Variants in HNF1B observed in about 807,000 individuals in gnomAD.
HNF1B encodes the protein hepatocyte nuclear factor 1-beta.
Under a neutral mutation model 61.7 loss-of-function variants are expected in HNF1B, and 8 were observed. The observed-to-expected ratio is 0.13, with a 90% CI of 0.08 to 0.23. HNF1B has a LOEUF of 0.23. Among genes scored for constraint, HNF1B ranks in the 10% least tolerant of loss-of-function variants. The pLI is 1.00. For missense variants in HNF1B, 562 were observed against 714.5 expected (o/e 0.79, Z 2.43); for synonymous variants, 314 against 287.7 (o/e 1.09, Z -0.93).
rs910599810 is a variant in HNF1B at position 37,710,355 on chromosome 17, T to C, written c.1206+148A>G. ...CCGCCAAAGGCTGGGTCACCAGCAC[T>C]ACCTCTCCTTTCCGACTCTGGACAG... On this transcript the variant is annotated intron_variant, in intron 5 of 8. Coordinates refer to ENST00000617811, the MANE Select transcript of HNF1B (RefSeq NM_000458.4). The C allele has an allele frequency of 2.9e-6, 3 of 1,035,972 alleles. No individual in the cohort carries two copies. In the African/African-American group the frequency reaches 4.7e-5, roughly 16 times the overall value. 64.2% of individuals were successfully genotyped at this position (1,035,972 alleles called of 1,614,324 possible). A position where few individuals can be genotyped will look rare whatever the true frequency, so the allele number is the denominator to read the frequency against.
At chr17:37,695,184 C>T (rs1035733459) in intron 8 of HNF1B, among the ~76,000 whole-genome samples, 9 of 152,238 alleles carry the variant, frequency 5.9e-5, no homozygotes, top group Admixed American at 2.6e-4. Flanking sequence ...GGACACTGCT[C>T]CCTGCATACA....
chr17:37,736,230 G>A (rs75293421), intron 2 of HNF1B, among the ~76,000 whole-genome samples: 118 of 152,374 alleles, frequency 7.7e-4, no homozygotes, highest in Non-Finnish European at 1.5e-3. Flanking sequence ...GGCCCTGTGT[G>A]GCACCAGTAG....
intron 8 of HNF1B, among the ~76,000 whole-genome samples, chr17:37,688,369 A>C (rs2032053212): frequency 7.7e-6 from 1 of 129,586 alleles, no homozygotes; most frequent in Admixed American, 8.1e-5. Context: ...TATTCTCTCA[A>C]GATCCCCCCA....
In HNF1B at chr17:37,733,610, C is replaced by A. The variant is rs755425752; in HGVS notation, c.756G>T (p.Arg252=). The part of the protein sequence containing the change: ...SQQILYQAYD[R]QKNPSKEERE... ...TCTCTTCCTTGCTGGGGTTCTTTTG[C>A]CGATCGTAGGCCTGGTACAAGATTT... The change falls in exon 3 of 9, where the codon CGG becomes CGT. Residue 252 remains arginine, a synonymous_variant. Transcript: ENST00000617811. 1 of 1,614,124 alleles carries A rather than the reference C, an allele frequency of 6.2e-7. No individual in the cohort carries two copies. Among genetic ancestry groups the A allele is most frequent in the East Asian group, 2.2e-5 (1 of 44,876 alleles).
Position 37,687,367 on chromosome 17 carries a change from G to A in HNF1B, c.*5C>T. ...GTTGCGCACGAAGTAAGTGGTGTGTGGGCATCACCAGGCTTGTAGAGGACA... is the reference window on the plus strand; with the variant it reads ...GTTGCGCACGAAGTAAGTGGTGTGTAGGCATCACCAGGCTTGTAGAGGACA... On this transcript the variant is annotated 3_prime_UTR_variant, in exon 9 of 9. Transcript: ENST00000617811. 1 of 1,613,990 alleles carries A rather than the reference G, an allele frequency of 6.2e-7. No individual in the cohort carries two copies. Among genetic ancestry groups the A allele is most frequent in the Non-Finnish European group, 8.5e-7 (1 of 1,179,958 alleles).
chr17:37,723,538 T>TAC (rs1328164875), intron 4 of HNF1B, among the ~76,000 whole-genome samples: 1 of 152,170 alleles, frequency 6.6e-6, no homozygotes, highest in Non-Finnish European at 1.5e-5. Context: ...CTAAATGCCT[T>TAC]ACGGCACTCA....
At chr17:37,719,155 G>T (rs908566249) in intron 4 of HNF1B, among the ~76,000 whole-genome samples, 1 of 149,286 alleles carries the variant, frequency 6.7e-6, no homozygotes, top group African/African-American at 2.6e-5. Flanking sequence ...TTGAAGAGAT[G>T]GGGGGGTCTA....
rs555424675 is a variant in HNF1B, at chr17:37,741,373, TATTA to T, written c.345-1738_345-1735del. Among the ~76,000 whole-genome samples the T allele has an allele frequency of 4.5e-4, 68 of 152,304 alleles. 1 individual carries two copies. In the South Asian group the frequency reaches 5.0e-3, roughly 11 times the overall value. On this transcript the variant is annotated intron_variant, in intron 1 of 8. Coordinates refer to ENST00000617811, the MANE Select transcript of HNF1B (RefSeq NM_000458.4). ...GTTTTTGAGAAATGCAAACTTTTTA[TATTA>T]ATTATATATAAGAACGAATTTCTCA... is the stretch of plus-strand genomic sequence containing the variant.
intron 3 of HNF1B, 32 bp from the exon 4 acceptor site, chr17:37,731,862 A>AG (rs748014933): frequency 2.1e-4 from 85 of 410,636 alleles, no homozygotes; most frequent in East Asian, 2.9e-4. Context: ...ATGGTGAGTG[A>AG]GGGGGGGCGG....
At chr17:37,694,443 C>CT in intron 8 of HNF1B, among the ~76,000 whole-genome samples, 1 of 57,570 alleles carries the variant, frequency 1.7e-5, no homozygotes, top group African/African-American at 4.7e-5. Flanking sequence ...CCGCCGCCCC[C>CT]CCCCCCCCCC....
At chr17:37,724,368 C>T (rs1436793801) in intron 4 of HNF1B, among the ~76,000 whole-genome samples, 1 of 152,136 alleles carries the variant, frequency 6.6e-6, no homozygotes, top group Non-Finnish European at 1.5e-5. Flanking sequence ...GTCCCACTCC[C>T]CAGCTGTTCT....
intron 4 of HNF1B, among the ~76,000 whole-genome samples, chr17:37,711,786 C>T (rs573676143): frequency 3.4e-4 from 52 of 152,272 alleles, no homozygotes; most frequent in African/African-American, 1.2e-3. Context: ...ATAGGTGGAC[C>T]AACTCTTTAG....
At chr17:37,742,383 G>A (rs1410662855) in intron 1 of HNF1B, among the ~76,000 whole-genome samples, 1 of 152,180 alleles carries the variant, frequency 6.6e-6, no homozygotes, top group Non-Finnish European at 1.5e-5. Context: ...AGGTTTACTA[G>A]AACTCCGGGA....
At chr17:37,694,453 C>CCCCCG (rs1491336435) in intron 8 of HNF1B, among the ~76,000 whole-genome samples, 1 of 67,134 alleles carries the variant, frequency 1.5e-5, no homozygotes, top group Admixed American at 1.3e-4. Context: ...CCCCCCCCCC[C>CCCCCG]GCAAAAAAAA....
At chr17:37,717,568 A>G (rs8068344) in intron 4 of HNF1B, among the ~76,000 whole-genome samples, 3,954 of 152,272 alleles carry the variant, frequency 0.026, 191 homozygotes, top group African/African-American at 0.089. Context: ...TGTTGGGGAG[A>G]TGACAGGGAG....
At chr17:37,739,805 G>A (rs918744507) in intron 1 of HNF1B, among the ~76,000 whole-genome samples, 166 bp from the exon 2 acceptor site, 2 of 152,066 alleles carry the variant, frequency 1.3e-5, no homozygotes, top group Non-Finnish European at 2.9e-5. Flanking sequence ...CTAAACAGAG[G>A]AGAAGGTGAC....
chr17:37,695,924 A>G (rs1037700588), intron 8 of HNF1B, among the ~76,000 whole-genome samples: 32 of 152,160 alleles, frequency 2.1e-4, no homozygotes, highest in African/African-American at 7.7e-4. Context: ...ATGAGTTAAG[A>G]CTTTCAGGGA....
chr17:37,706,734 T>A (rs1236429642), intron 5 of HNF1B, among the ~76,000 whole-genome samples: 1 of 150,368 alleles, frequency 6.7e-6, no homozygotes, highest in Non-Finnish European at 1.5e-5. Context: ...TTGGGTAATG[T>A]AGTTCCTTTG....
chr17:37,734,327 C>T (rs1039760666), intron 2 of HNF1B, among the ~76,000 whole-genome samples: 1 of 152,134 alleles, frequency 6.6e-6, no homozygotes, highest in Admixed American at 6.5e-5. Context: ...TTAGAAAAAC[C>T]CCAAACCTTT....
Sources: allele counts gnomAD v4.1 joint callset (sites outside exome capture counted in the v4.1 genomes callset), GRCh38; gene constraint gnomAD v4.1.1; transcripts MANE v1.5; gene names NCBI Gene and HGNC (gene_info 2026-07-23, HGNC 2026-07-21).